Variants in NPSR1 observed in about 807,000 individuals in gnomAD.
NPSR1 encodes neuropeptide S receptor.
A neutral mutation model predicts 46.9 loss-of-function variants in NPSR1; 48 were observed. The observed-to-expected ratio is 1.02, with a 90% CI of 0.81 to 1.30. The LOEUF (loss-of-function observed/expected upper bound fraction) is 1.30, where lower values mean the gene tolerates loss of function less well. Among genes scored for constraint, NPSR1 ranks in the 50% most tolerant of loss-of-function variants. The pLI is 0.00. For synonymous variants in NPSR1, 176 were observed against 168.1 expected (o/e 1.05, Z -0.36); for missense variants, 450 against 449.5 (o/e 1.00, Z -0.01).
At chr7:34,725,099 TCACACACACACACA>T (rs56880784) in intron 2 of NPSR1, among the ~76,000 whole-genome samples, 1 of 146,534 alleles carries the variant, frequency 6.8e-6, no homozygotes, top group African/African-American at 2.5e-5. Context: ...ACACACAGAC[TCACACACACACACA>T]CACACACACA....
chr7:34,706,113 A>G (rs1011258594), intron 2 of NPSR1, among the ~76,000 whole-genome samples: 3 of 152,034 alleles, frequency 2.0e-5, no homozygotes, highest in African/African-American at 4.8e-5. Flanking sequence ...CCAAAAAAAA[A>G]TCTAAAGTCA....
chr7:34,807,368 T>A (rs953887296), intron 3 of NPSR1, among the ~76,000 whole-genome samples: 4 of 152,196 alleles, frequency 2.6e-5, no homozygotes, highest in African/African-American at 9.6e-5. Context: ...TGTATATTTT[T>A]GTTTATTCTT....
At chr7:34,849,178 A>G in intron 8 of NPSR1, 1 of 633,064 alleles carries the variant, frequency 1.6e-6, no homozygotes, top group Non-Finnish European at 2.8e-6. Context: ...ATTCCATAGG[A>G]GATACAAGAG....
chr7:34,809,487 G>A (rs1261322912), intron 3 of NPSR1, among the ~76,000 whole-genome samples: 12 of 132,430 alleles, frequency 9.1e-5, no homozygotes, highest in Admixed American at 5.5e-4. Flanking sequence ...TTTTTGAGAC[G>A]GAGTCTCGCT....
At chr7:34,861,057 A>G (rs1226703949) in intron 8 of NPSR1, among the ~76,000 whole-genome samples, 4 of 151,858 alleles carry the variant, frequency 2.6e-5, no homozygotes, top group African/African-American at 9.7e-5. Context: ...CTTATAGCCA[A>G]TGCTGATTGA....
At position 34,679,142 on chromosome 7, in the gene NPSR1, A is replaced by G. The variant is rs987603628; in HGVS notation, c.148-5410A>G. Among the ~76,000 whole-genome samples, 6 of 152,204 alleles carry G rather than the reference A, an allele frequency of 3.9e-5. No individual in the cohort carries two copies. In the East Asian group the frequency reaches 9.6e-4, roughly 24 times the overall value. The stretch of plus-strand genomic sequence containing the variant: ...TAAAAGAGAATAACTGTTTCAAATT[A>G]CTAGTGAACAAATTAAAATAAAAAC... On this transcript the variant is annotated intron_variant, in intron 1 of 8. Coordinates refer to ENST00000360581, the MANE Select transcript of NPSR1 (RefSeq NM_207172.2).
chr7:34,820,060 T>A (rs897867428), intron 4 of NPSR1, among the ~76,000 whole-genome samples: 1 of 152,070 alleles, frequency 6.6e-6, no homozygotes. Context: ...CAATGATAAT[T>A]TAAAAAAAAG....
intron 2 of NPSR1, among the ~76,000 whole-genome samples, chr7:34,690,071 C>G (rs1293752835): frequency 2.0e-5 from 3 of 152,096 alleles, no homozygotes; most frequent in African/African-American, 7.2e-5. Flanking sequence ...AGTGAGCCTC[C>G]TCACATACCC....
At chr7:34,822,759 G>C (rs1789618071) in intron 4 of NPSR1, among the ~76,000 whole-genome samples, 1 of 152,094 alleles carries the variant, frequency 6.6e-6, no homozygotes, top group Non-Finnish European at 1.5e-5. Context: ...GTAAATTTTA[G>C]TTGGATTGAA....
At chr7:34,837,556 C>A (rs1790417155) in intron 6 of NPSR1, among the ~76,000 whole-genome samples, 1 of 152,222 alleles carries the variant, frequency 6.6e-6, no homozygotes, top group Non-Finnish European at 1.5e-5. Context: ...GAGAATACTG[C>A]ACAGGCAGTG....
intron 1 of NPSR1, among the ~76,000 whole-genome samples, chr7:34,680,749 C>G (rs1368367953): frequency 6.6e-6 from 1 of 151,976 alleles, no homozygotes; most frequent in African/African-American, 2.4e-5. Flanking sequence ...ACCAAAGAGT[C>G]AAGACAAAAG....
intron 2 of NPSR1, among the ~76,000 whole-genome samples, chr7:34,777,366 A>G (rs1787010257): frequency 6.6e-6 from 1 of 152,120 alleles, no homozygotes; most frequent in Admixed American, 6.6e-5. Context: ...ATAGGACAGC[A>G]CTAAGTTCAA....
chr7:34,763,758 AAACTCTC>A (rs1390769765), intron 2 of NPSR1, among the ~76,000 whole-genome samples: 1 of 152,198 alleles, frequency 6.6e-6, no homozygotes, highest in African/African-American at 2.4e-5. Context: ...ATGGCCAAGG[AAACTCTC>A]AACTGCATCT....
chr7:34,857,400 C>T (rs776116699), intron 8 of NPSR1, among the ~76,000 whole-genome samples: 6 of 151,650 alleles, frequency 4.0e-5, no homozygotes, highest in African/African-American at 1.5e-4. Context: ...GTGGTATGGG[C>T]GCTAAAGTAG....
intron 3 of NPSR1, among the ~76,000 whole-genome samples, chr7:34,802,654 G>A (rs1788478495): frequency 6.7e-6 from 1 of 150,346 alleles, no homozygotes; most frequent in Non-Finnish European, 1.5e-5. Context: ...ACATAGGCAT[G>A]GGCAAGGACT....
intron 2 of NPSR1, among the ~76,000 whole-genome samples, chr7:34,771,949 C>A (rs1786704529): frequency 6.6e-6 from 1 of 152,150 alleles, no homozygotes; most frequent in African/African-American, 2.4e-5. Flanking sequence ...GGTAGTAATT[C>A]TCTTTTAAAC....
chr7:34,821,262 G>C (rs1486914838), intron 4 of NPSR1, among the ~76,000 whole-genome samples: 1 of 151,380 alleles, frequency 6.6e-6, no homozygotes, highest in African/African-American at 2.4e-5. Flanking sequence ...AGCCTCCCGA[G>C]TAGCTGGGAT....
At chr7:34,765,465 C>T (rs942757639) in intron 2 of NPSR1, among the ~76,000 whole-genome samples, 1 of 152,304 alleles carries the variant, frequency 6.6e-6, no homozygotes, top group Non-Finnish European at 1.5e-5. Flanking sequence ...ACAGTTTATA[C>T]ACTATTGATG....
At chr7:34,751,126 G>C in intron 2 of NPSR1, 1 of 873,132 alleles carries the variant, frequency 1.1e-6, no homozygotes, top group Non-Finnish European at 2.0e-6. Flanking sequence ...CAGCCCCACT[G>C]TTTTCCACAC....
Sources: gnomAD v4.1 joint callset for allele counts (sites outside exome capture counted in the v4.1 genomes callset) on GRCh38, gnomAD v4.1.1 for gene constraint, MANE v1.5 for transcripts, NCBI Gene and HGNC (gene_info 2026-07-23, HGNC 2026-07-21) for gene names.